The following ENOX1 variants were observed in gnomAD, a reference collection of about 807,000 sequenced individuals.
ENOX1 encodes the protein ecto-NOX disulfide-thiol exchanger 1.
In ENOX1, 42 loss-of-function variants were observed where a neutral mutation model predicts 82.5. The observed-to-expected ratio is 0.51, with a 90% confidence interval of 0.40 to 0.66. The LOEUF (loss-of-function observed/expected upper bound fraction) is 0.66, where lower values mean the gene tolerates loss of function less well. ENOX1 is among the 30% of genes least tolerant of loss of function. The probability of loss-of-function intolerance (pLI) is 0.00; values close to 1 mark genes in which losing one functional copy is unlikely to be tolerated. For missense variants in ENOX1, 608 were observed against 811.6 expected, an observed-to-expected ratio of 0.75 and a Z score of 3.05; for synonymous variants, 271 against 282.2, an observed-to-expected ratio of 0.96 and a Z score of 0.40.
intron 2 of ENOX1, among the ~76,000 whole-genome samples, chr13:43,550,351 A>C (rs1037583470): frequency 2.6e-5 from 4 of 152,202 alleles, no homozygotes; most frequent in Admixed American, 2.0e-4. Flanking sequence ...TTGGAGCCCC[A>C]CAATATGCTA....
At chr13:43,443,630 T>C (rs143134932) in intron 3 of ENOX1, among the ~76,000 whole-genome samples, 2 of 152,234 alleles carry the variant, frequency 1.3e-5, no homozygotes, top group Admixed American at 1.3e-4. Context: ...CTGATTATAA[T>C]GTACTTGAGA....
At chr13:43,602,476 A>G (rs2081768346) in intron 2 of ENOX1, among the ~76,000 whole-genome samples, 1 of 152,110 alleles carries the variant, frequency 6.6e-6, no homozygotes, top group Non-Finnish European at 1.5e-5. Context: ...CATATGATAT[A>G]TATACACACA....
At chr13:43,409,053 A>G (rs2053966678) in intron 5 of ENOX1, among the ~76,000 whole-genome samples, 1 of 151,828 alleles carries the variant, frequency 6.6e-6, no homozygotes, top group Admixed American at 6.6e-5. Context: ...AAAAAAAAAA[A>G]AAAAATTACC....
chr13:43,219,580 C>T (rs1157013426), intron 16 of ENOX1, among the ~76,000 whole-genome samples: 1 of 152,078 alleles, frequency 6.6e-6, no homozygotes, highest in Non-Finnish European at 1.5e-5. Context: ...TTATTTGCTA[C>T]AAATACAAAA....
At chr13:43,647,710 T>C (rs56325824) in intron 2 of ENOX1, among the ~76,000 whole-genome samples, 14,071 of 152,214 alleles carry the variant, frequency 0.092, 734 homozygotes, top group Middle Eastern at 0.15. Context: ...CCCAAAGATG[T>C]CCAGCGTCTA....
intron 2 of ENOX1, among the ~76,000 whole-genome samples, chr13:43,536,554 A>T (rs899554919): frequency 3.4e-5 from 1 of 29,104 alleles, no homozygotes; most frequent in Non-Finnish European, 6.1e-5. Context: ...AGTTTCACTT[A>T]AAAAAAAAAA....
intron 1 of ENOX1, among the ~76,000 whole-genome samples, chr13:43,750,368 A>G (rs955378223): frequency 4.6e-5 from 7 of 152,202 alleles, no homozygotes; most frequent in African/African-American, 1.7e-4. Context: ...CAAAAGCATA[A>G]CATTCCAGCT....
In ENOX1 at chr13:43,705,483, GA is replaced by G. The variant is rs200851883; in HGVS notation, c.-284-37940del. On this transcript the variant is annotated intron_variant, in intron 1 of 16. Transcript: ENST00000690772. ...TATATGCAAGTTTAAAAAAAAGAAT[GA>G]AAAAAATACATCAAATATTCCACAT... Among the ~76,000 whole-genome samples, 596 of 151,412 alleles carry G rather than the reference GA, an allele frequency of 3.9e-3. 16 individuals carry two copies. The highest frequency in any genetic ancestry group is 4.6e-3 in the Non-Finnish European group (311 of 67,802).
At chr13:43,447,096 T>C (rs1299913014) in intron 3 of ENOX1, among the ~76,000 whole-genome samples, 1 of 152,200 alleles carries the variant, frequency 6.6e-6, no homozygotes. Context: ...TAATGCCTGG[T>C]ACAAAATAGG....
In ENOX1 at chr13:43,651,418, G is replaced by A. The variant is rs552605577; in HGVS notation, c.-219+16061C>T. On this transcript the variant is annotated intron_variant, in intron 2 of 16. Coordinates refer to ENST00000690772, the MANE Select transcript of ENOX1 (RefSeq NM_001347969.2). ...TGATAAAAGACTTCACTTTGAGGCC[G>A]GGCATGTTGGCTCTTGCCTGTAATC... Among the ~76,000 whole-genome samples, 24 of 152,162 alleles carry A rather than the reference G, an allele frequency of 1.6e-4. No individual in the cohort carries two copies. In the East Asian group the frequency reaches 1.9e-3, roughly 12 times the overall value.
intron 3 of ENOX1, among the ~76,000 whole-genome samples, chr13:43,421,297 G>C (rs2054959144): frequency 6.6e-6 from 1 of 152,204 alleles, no homozygotes; most frequent in Admixed American, 6.5e-5. Context: ...ATAGTAAGAT[G>C]AAAATGTATT....
chr13:43,784,967 C>A (rs1012894518), intron 1 of ENOX1, among the ~76,000 whole-genome samples: 1 of 152,176 alleles, frequency 6.6e-6, no homozygotes, highest in Non-Finnish European at 1.5e-5. Context: ...TTCAAAGGCT[C>A]TAAATAATGC....
At chr13:43,552,358 A>AG (rs1242119474) in intron 2 of ENOX1, among the ~76,000 whole-genome samples, 3 of 151,718 alleles carry the variant, frequency 2.0e-5, no homozygotes, top group Non-Finnish European at 4.4e-5. Context: ...AAAAAAAAAA[A>AG]AAAAAGAAAA....
intron 1 of ENOX1, among the ~76,000 whole-genome samples, chr13:43,720,625 T>G (rs2088504612): frequency 6.6e-6 from 1 of 152,220 alleles, no homozygotes; most frequent in Admixed American, 6.5e-5. Context: ...ATCTTGACAT[T>G]TTCAAGAACT....
intron 2 of ENOX1, among the ~76,000 whole-genome samples, chr13:43,542,331 A>C (rs898205809): frequency 2.7e-5 from 4 of 149,438 alleles, no homozygotes; most frequent in East Asian, 2.0e-4. Context: ...ACAGGGTTTC[A>C]CCGTGTTAGC....
intron 5 of ENOX1, among the ~76,000 whole-genome samples, chr13:43,402,184 TAAAG>T (rs1378881178): frequency 6.6e-6 from 1 of 152,042 alleles, no homozygotes; most frequent in Non-Finnish European, 1.5e-5. Context: ...ATAACCATGA[TAAAG>T]AAAGACAGGG....
chr13:43,307,170 C>G (rs4942206), intron 11 of ENOX1, among the ~76,000 whole-genome samples: 144,565 of 152,068 alleles, frequency 0.95, 69,185 homozygotes, highest in East Asian at 1. Context: ...CTCCTCCTCC[C>G]CACTGTTCTC....
At chr13:43,314,777 A>G (rs920723418) in intron 11 of ENOX1, among the ~76,000 whole-genome samples, 1 of 152,202 alleles carries the variant, frequency 6.6e-6, no homozygotes, top group Admixed American at 6.5e-5. Context: ...CTACATATAT[A>G]TAGCTTCTCT....
At chr13:43,711,796 A>T (rs1172981011) in intron 1 of ENOX1, among the ~76,000 whole-genome samples, 4 of 150,000 alleles carry the variant, frequency 2.7e-5, no homozygotes, top group Admixed American at 2.0e-4. Context: ...AATTTGTTGG[A>T]GTTCATTGTA....
Sources: allele counts gnomAD v4.1 joint callset (sites outside exome capture counted in the v4.1 genomes callset), GRCh38; gene constraint gnomAD v4.1.1; transcripts MANE v1.5; gene names NCBI Gene and HGNC (gene_info 2026-07-23, HGNC 2026-07-21).